Variants in EBF1 observed in about 807,000 individuals in gnomAD.
The protein encoded by EBF1 is EBF transcription factor 1.
EBF1 carries 10 observed loss-of-function variants against 68.4 expected under a neutral mutation model. The observed-to-expected ratio is 0.15, with a 90% CI of 0.09 to 0.25. EBF1 has a LOEUF of 0.25. EBF1 is among the 10% of genes least tolerant of loss of function. The pLI is 1.00. For missense variants in EBF1, 509 were observed against 794.4 expected, an observed-to-expected ratio of 0.64 and a Z score of 4.32; for synonymous variants, 298 against 299.8, an observed-to-expected ratio of 0.99 and a Z score of 0.06.
chr5:158,942,585 T>C (rs1813674501), intron 6 of EBF1, among the ~76,000 whole-genome samples: 1 of 152,148 alleles, frequency 6.6e-6, no homozygotes, highest in East Asian at 1.9e-4. Context: ...GATTACTAGT[T>C]ATCATGAATT....
Position 158,836,252 on chromosome 5 carries a change from C to T in EBF1, c.636+3777G>A, listed in dbSNP as rs117694562. Among the ~76,000 whole-genome samples, 4 of 152,164 alleles carry T rather than the reference C, an allele frequency of 2.6e-5. No individual in the cohort carries two copies. In the East Asian group the frequency reaches 7.7e-4, roughly 29 times the overall value. Reference sequence around the variant, plus strand: ...TGTCAGGTCTCAGAGATTCTGATACCAGAGTTCTCAGTGCATAAATAGTGG... The same window carrying T: ...TGTCAGGTCTCAGAGATTCTGATACTAGAGTTCTCAGTGCATAAATAGTGG... On this transcript the variant is annotated intron_variant, in intron 7 of 15. Transcript: ENST00000313708.
chr5:159,054,888 C>T (rs1774466180), intron 6 of EBF1, among the ~76,000 whole-genome samples: 1 of 152,192 alleles, frequency 6.6e-6, no homozygotes, highest in South Asian at 2.1e-4. Flanking sequence ...ACGTGCCTCA[C>T]ATTTTACAAG....
At chr5:158,902,663 C>T (rs796816120) in intron 6 of EBF1, among the ~76,000 whole-genome samples, 5 of 151,254 alleles carry the variant, frequency 3.3e-5, no homozygotes, top group African/African-American at 1.2e-4. Context: ...CTCTATGTTG[C>T]CCAAGCTGGT....
intron 6 of EBF1, among the ~76,000 whole-genome samples, chr5:158,938,248 C>T (rs1045947370): frequency 1.3e-5 from 2 of 152,102 alleles, no homozygotes; most frequent in Admixed American, 1.3e-4. Flanking sequence ...CTCCTTTTTG[C>T]TCCCAGGGGA....
chr5:158,957,286 G>A (rs1817328389), intron 6 of EBF1, among the ~76,000 whole-genome samples: 1 of 152,216 alleles, frequency 6.6e-6, no homozygotes, highest in South Asian at 2.1e-4. Context: ...TAATACAATG[G>A]TAAGCACTGT....
chr5:158,742,686 A>G (rs948425795), intron 10 of EBF1, among the ~76,000 whole-genome samples: 3 of 152,198 alleles, frequency 2.0e-5, no homozygotes, highest in African/African-American at 7.2e-5. Flanking sequence ...GGTGTGTTAC[A>G]CTTGTCCTTG....
At chr5:159,063,717 G>T (rs1441596812) in intron 6 of EBF1, among the ~76,000 whole-genome samples, 1 of 152,164 alleles carries the variant, frequency 6.6e-6, no homozygotes, top group East Asian at 1.9e-4. Flanking sequence ...ATTAACTTCA[G>T]TAAGGTAATT....
chr5:158,758,587 T>A (rs1016493272), intron 10 of EBF1, among the ~76,000 whole-genome samples: 1 of 152,232 alleles, frequency 6.6e-6, no homozygotes, highest in Admixed American at 6.5e-5. Flanking sequence ...GTAATCTTAA[T>A]ATTCTTTTTA....
intron 10 of EBF1, among the ~76,000 whole-genome samples, chr5:158,743,614 C>T (rs1465501226): frequency 6.6e-6 from 1 of 152,074 alleles, no homozygotes; most frequent in East Asian, 1.9e-4. Context: ...ATGGGGTGGT[C>T]ATGGAGGAAA....
intron 6 of EBF1, among the ~76,000 whole-genome samples, chr5:159,002,157 C>CTT (rs201178368): frequency 2.6e-4 from 35 of 133,682 alleles, no homozygotes; most frequent in African/African-American, 9.0e-4. Context: ...TCCCCCAAGC[C>CTT]TTTTTTTTTT....
At chr5:158,874,310 T>C (rs1797411616) in intron 6 of EBF1, among the ~76,000 whole-genome samples, 1 of 152,178 alleles carries the variant, frequency 6.6e-6, no homozygotes, top group South Asian at 2.1e-4. Context: ...TATAGTATGT[T>C]CCTATAGCAT....
chr5:159,065,107 A>G (rs1776562463), intron 6 of EBF1, among the ~76,000 whole-genome samples: 1 of 152,102 alleles, frequency 6.6e-6, no homozygotes, highest in South Asian at 2.1e-4. Flanking sequence ...CAGAATACTT[A>G]TGAACGAGAA....
intron 5 of EBF1, among the ~76,000 whole-genome samples, chr5:159,075,292 T>G (rs1584443381): frequency 6.6e-6 from 1 of 152,288 alleles, no homozygotes; most frequent in African/African-American, 2.4e-5. Context: ...CCTACCCTCT[T>G]CAGTCCCTTC....
chr5:158,875,056 T>TACACATACAC (rs1554171671), intron 6 of EBF1, among the ~76,000 whole-genome samples: 1 of 147,302 alleles, frequency 6.8e-6, no homozygotes, highest in Non-Finnish European at 1.5e-5. Context: ...CACACACACA[T>TACACATACAC]ACACACACAC....
At chr5:158,935,428 C>T (rs773323908) in intron 6 of EBF1, among the ~76,000 whole-genome samples, 3 of 152,194 alleles carry the variant, frequency 2.0e-5, no homozygotes, top group Non-Finnish European at 4.4e-5. Flanking sequence ...TGCTGCTGTC[C>T]CACTCCCAGA....
intron 6 of EBF1, among the ~76,000 whole-genome samples, chr5:159,051,466 C>T (rs1355051109): frequency 7.2e-6 from 1 of 138,328 alleles, no homozygotes; most frequent in Non-Finnish European, 1.6e-5. Flanking sequence ...CGGCGGCTGA[C>T]GGCTCCCGCT....
At chr5:158,782,013 A>G (rs968680002) in intron 9 of EBF1, among the ~76,000 whole-genome samples, 4 of 152,086 alleles carry the variant, frequency 2.6e-5, no homozygotes, top group African/African-American at 9.7e-5. Context: ...CACACTTCCC[A>G]CTTTGCTTTA....
intron 6 of EBF1, among the ~76,000 whole-genome samples, chr5:159,061,000 G>A (rs1204891339): frequency 6.6e-6 from 1 of 151,398 alleles, no homozygotes; most frequent in Admixed American, 6.6e-5. Context: ...TGAGAGAGCA[G>A]TGGTAAACTA....
intron 8 of EBF1, among the ~76,000 whole-genome samples, chr5:158,801,621 CT>C (rs1415533050): frequency 6.7e-6 from 1 of 149,818 alleles, no homozygotes; most frequent in Admixed American, 6.7e-5. Context: ...TTCCAATTTG[CT>C]TCTTGAACAA....
Sources: gnomAD v4.1 joint callset for allele counts (sites outside exome capture counted in the v4.1 genomes callset) on GRCh38, gnomAD v4.1.1 for gene constraint, MANE v1.5 for transcripts, NCBI Gene and HGNC (gene_info 2026-07-23, HGNC 2026-07-21) for gene names.